The following STK31 variants were observed in gnomAD, a reference collection of about 807,000 sequenced individuals.
STK31 encodes the protein serine/threonine kinase 31.
STK31 carries 89 observed loss-of-function variants against 129.7 expected under a neutral mutation model. The observed-to-expected ratio is 0.69, with a 90% CI of 0.58 to 0.82. The LOEUF (loss-of-function observed/expected upper bound fraction) is 0.82, where lower values mean the gene tolerates loss of function less well. STK31 is among the 40% of genes least tolerant of loss of function. STK31 has a pLI of 0.00. For synonymous variants in STK31, 448 were observed against 395.3 expected, an observed-to-expected ratio of 1.13 and a Z score of -1.58; for missense variants, 1,187 against 1,176.4, an observed-to-expected ratio of 1.01 and a Z score of -0.13.
chr7:23,737,214 AGGT>A, intron 8 of STK31, 136 bp downstream of exon 8: 1 of 753,144 alleles, frequency 1.3e-6, no homozygotes, highest in Non-Finnish European at 1.8e-6. Context: ...ATTTGTTTAT[AGGT>A]GAATTTTTTT....
chr7:23,799,328 T>C (rs1195307717), intron 22 of STK31, among the ~76,000 whole-genome samples: 2 of 152,202 alleles, frequency 1.3e-5, no homozygotes, highest in Admixed American at 6.5e-5. Flanking sequence ...TCATGCTACC[T>C]GACTTCAAAC....
rs1187468733 is a variant in STK31, at chr7:23,769,093, AAGAG to A, written c.1518_1521del (p.Glu507SerfsTer17). 1 of 1,613,218 alleles carries A rather than the reference AAGAG, an allele frequency of 6.2e-7. No homozygotes were observed. Among genetic ancestry groups the A allele is most frequent in the Non-Finnish European group, 8.5e-7 (1 of 1,179,498 alleles). ...AATTTTATGACTGGAAGTGTGATAA[AAGAG>A]AGGAGTTCACCAGTGTTAGAAGTGA... On this transcript the variant is annotated frameshift_variant, in exon 12 of 24. Transcript: ENST00000355870. LOFTEE classifies it high-confidence loss of function.
chr7:23,754,599 T>C (rs967338106), intron 10 of STK31, 125 bp downstream of exon 10: 1 of 1,042,862 alleles, frequency 9.6e-7, no homozygotes, highest in African/African-American at 1.6e-5. Context: ...TACATAGGTA[T>C]ACATGCGCCG....
intron 8 of STK31, among the ~76,000 whole-genome samples, chr7:23,744,019 A>G (rs1457595317): frequency 6.6e-6 from 1 of 151,876 alleles, no homozygotes; most frequent in African/African-American, 2.4e-5. Flanking sequence ...TTCTGTGCTC[A>G]ATCAGTGCTC....
intron 22 of STK31, among the ~76,000 whole-genome samples, chr7:23,805,614 G>T (rs1398265605): frequency 5.9e-5 from 9 of 152,036 alleles, no homozygotes. Context: ...CCCCTGAGTA[G>T]CTGGGACTAC....
At chr7:23,823,779 G>A (rs1793935512) in intron 23 of STK31, among the ~76,000 whole-genome samples, 1 of 152,178 alleles carries the variant, frequency 6.6e-6, no homozygotes, top group Non-Finnish European at 1.5e-5. Flanking sequence ...TTTGTATAAG[G>A]TGTAAGGAAG....
chr7:23,748,903 A>G (rs1788515560), intron 8 of STK31, among the ~76,000 whole-genome samples: 1 of 152,186 alleles, frequency 6.6e-6, no homozygotes, highest in African/African-American at 2.4e-5. Context: ...GGCACCCCTA[A>G]CACTTGCTTT....
chr7:23,797,173 T>G (rs1478612185), intron 22 of STK31, among the ~76,000 whole-genome samples: 1 of 151,910 alleles, frequency 6.6e-6, no homozygotes, highest in African/African-American at 2.4e-5. Flanking sequence ...GTGGGAGACT[T>G]TAACACCCCA....
chr7:23,778,338 A>G (rs537331251), intron 15 of STK31, among the ~76,000 whole-genome samples: 68 of 152,136 alleles, frequency 4.5e-4, no homozygotes, highest in African/African-American at 1.6e-3. Context: ...TTTGAGGAGT[A>G]GGTTTTTGGT....
At chr7:23,770,918 A>C (rs1046233795) in intron 13 of STK31, 87 bp from the exon 14 acceptor site, 1 of 1,366,374 alleles carries the variant, frequency 7.3e-7, no homozygotes, top group East Asian at 2.7e-5. Flanking sequence ...TAAAGGCATA[A>C]TTTTGAAGTT....
At position 23,832,137 on chromosome 7, in the gene STK31, A is replaced by G. The variant is rs201388000; in HGVS notation, c.2831A>G (p.Asp944Gly). The part of the protein sequence containing the change: ...GIPKVDQFHL[D>G]DKVKSLLCSL... ...TGTAACACCTGTTTTTCCTTGCAGG[A>G]TGATAAAGTCAAATCCCTCCTCTGT... is the stretch of plus-strand genomic sequence containing the variant. Residue 944 changes from aspartate to glycine, a missense_variant and splice_region_variant, in exon 24 of 24, where the codon GAT becomes GGT. Physicochemically the swap from Asp to Gly is moderately conservative, Grantham distance 94. This residue lies in a region of STK31 where 975 missense variants were observed against 934.9 expected (regional missense o/e 1.04). Coordinates refer to ENST00000355870, the MANE Select transcript of STK31 (RefSeq NM_031414.5). 2.7e-4 allele frequency: 428 copies of G among 1,609,564 alleles called. 2 individuals are homozygous for G. Among genetic ancestry groups the G allele is most frequent in the Middle Eastern group, 2.3e-3 (14 of 6,042 alleles).
chr7:23,762,099 A>T (rs1789507687), intron 10 of STK31, among the ~76,000 whole-genome samples: 3 of 151,616 alleles, frequency 2.0e-5, no homozygotes, highest in South Asian at 4.1e-4. Flanking sequence ...ATTTCATTTT[A>T]TTATTATTTT....
chr7:23,810,121 A>T (rs1792994469), intron 22 of STK31, among the ~76,000 whole-genome samples: 1 of 152,108 alleles, frequency 6.6e-6, no homozygotes, highest in South Asian at 2.1e-4. Context: ...ATGTCCTCTT[A>T]GTAGATTGAT....
intron 22 of STK31, among the ~76,000 whole-genome samples, chr7:23,814,662 A>G (rs950179206): frequency 6.6e-6 from 1 of 152,110 alleles, no homozygotes; most frequent in Non-Finnish European, 1.5e-5. Context: ...TGGGACTCAG[A>G]ATACCTTTGT....
At chr7:23,828,760 A>G (rs570366350) in intron 23 of STK31, among the ~76,000 whole-genome samples, 5 of 152,132 alleles carry the variant, frequency 3.3e-5, no homozygotes, top group Admixed American at 2.0e-4. Context: ...TTCTTTTTCA[A>G]TTTGGATTCC....
At chr7:23,788,547 T>C (rs1290686804) in intron 21 of STK31, among the ~76,000 whole-genome samples, 2 of 152,142 alleles carry the variant, frequency 1.3e-5, no homozygotes, top group Admixed American at 6.6e-5. Context: ...CCGGGGAACC[T>C]TGGACTTTTT....
At chr7:23,762,779 T>C (rs1311426481) in intron 10 of STK31, 22 bp from the exon 11 acceptor site, 1 of 1,606,956 alleles carries the variant, frequency 6.2e-7, no homozygotes, top group Non-Finnish European at 8.5e-7. Context: ...TAATGATGGT[T>C]ATTCTTTTTT....
At chr7:23,729,556 G>T (rs1787277327) in intron 6 of STK31, among the ~76,000 whole-genome samples, 1 of 150,308 alleles carries the variant, frequency 6.7e-6, no homozygotes, top group Admixed American at 6.6e-5. Flanking sequence ...TGTTGCCCAG[G>T]CTGGAGTGCA....
chr7:23,796,355 G>GT (rs34355493), intron 22 of STK31, among the ~76,000 whole-genome samples: 52,112 of 148,918 alleles, frequency 0.35, 9,192 homozygotes, highest in Admixed American at 0.45. Flanking sequence ...AACATATCAA[G>GT]TTTTTTTTTT....
Sources: gnomAD v4.1 joint callset for allele counts (sites outside exome capture counted in the v4.1 genomes callset) on GRCh38, gnomAD v4.1.1 for gene constraint, gnomAD v4.1.1 regional missense constraint, MANE v1.5 for transcripts, NCBI Gene and HGNC (gene_info 2026-07-23, HGNC 2026-07-21) for gene names.